Variants in GSDMC observed in about 807,000 individuals in gnomAD.
GSDMC encodes gasdermin-C.
Under a neutral mutation model 58.0 loss-of-function variants are expected in GSDMC, and 59 were observed. The observed-to-expected ratio is 1.02, with a 90% CI of 0.82 to 1.26. The LOEUF (loss-of-function observed/expected upper bound fraction) is 1.26, where lower values mean the gene tolerates loss of function less well. Among genes scored for constraint, GSDMC ranks in the 50% most tolerant of loss-of-function variants. The pLI is 0.00. For missense variants in GSDMC, 659 were observed against 598.5 expected, an observed-to-expected ratio of 1.10 and a Z score of -1.06; for synonymous variants, 241 against 220.2, an observed-to-expected ratio of 1.09 and a Z score of -0.83.
At chr8:129,750,199 A>G in intron 11 of GSDMC, 80 bp from the exon 12 acceptor site, 1 of 1,220,574 alleles carries the variant, frequency 8.2e-7, no homozygotes, top group Non-Finnish European at 1.1e-6. Context: ...TACTGGTGAT[A>G]ACCAAGGGGT....
the GSDMC span, among the ~76,000 whole-genome samples, chr8:129,719,431 A>G: frequency 6.6e-6 from 1 of 152,238 alleles, no homozygotes; most frequent in Non-Finnish European, 1.5e-5. Flanking sequence ...ATGGTGTAAG[A>G]TTTCAATATC....
chr8:129,725,505 C>T, the GSDMC span, among the ~76,000 whole-genome samples: 2 of 152,118 alleles, frequency 1.3e-5, no homozygotes, highest in Non-Finnish European at 1.5e-5. Context: ...CAAATGTGTT[C>T]GATTGCCCAA....
chr8:129,762,149 G>A (rs2033686239), intron 5 of GSDMC, among the ~76,000 whole-genome samples: 1 of 152,178 alleles, frequency 6.6e-6, no homozygotes, highest in Admixed American at 6.5e-5. Context: ...TGATGAAGGA[G>A]GGAAAGATGT....
the GSDMC span, among the ~76,000 whole-genome samples, chr8:129,717,272 T>TTTTG: frequency 3.2e-5 from 4 of 123,820 alleles, 1 homozygote; most frequent in South Asian, 2.5e-4. Flanking sequence ...TTTTTTTTTT[T>TTTTG]ATTGGTAGGC....
At chr8:129,746,008 T>A (rs1162018293), downstream of GSDMC, among the ~76,000 whole-genome samples, 1 of 151,746 alleles carries the variant, frequency 6.6e-6, no homozygotes, top group Admixed American at 6.6e-5. Flanking sequence ...AAAACTCATT[T>A]ACCCTATTGT....
At chr8:129,728,764 C>T in the GSDMC span, 10 of 501,920 alleles carry the variant, frequency 2.0e-5, no homozygotes, top group Middle Eastern at 5.8e-4. Flanking sequence ...TAAAACTTGC[C>T]GAGGGCTCTG....
chr8:129,758,436 C>T (rs555747989), intron 6 of GSDMC, among the ~76,000 whole-genome samples: 6 of 152,130 alleles, frequency 3.9e-5, no homozygotes, highest in South Asian at 2.1e-4. Context: ...CATCCTTTTT[C>T]GCAGATGATA....
At chr8:129,755,343 T>G (rs1214515316) in intron 6 of GSDMC, among the ~76,000 whole-genome samples, 1 of 152,080 alleles carries the variant, frequency 6.6e-6, no homozygotes, top group Admixed American at 6.6e-5. Context: ...AAAAAAAACC[T>G]TTTATCCTAG....
At chr8:129,771,019 A>ATATATATATGTATATGTATATATT (rs1289258296) in intron 3 of GSDMC, among the ~76,000 whole-genome samples, 1 of 149,966 alleles carries the variant, frequency 6.7e-6, no homozygotes, top group African/African-American at 2.4e-5. Context: ...ACATTTTTTT[A>ATATATATATGTATATGTATATATT]TATATATATG....
intron 1 of GSDMC, among the ~76,000 whole-genome samples, chr8:129,779,918 T>G (rs2034357514): frequency 6.6e-6 from 1 of 152,048 alleles, no homozygotes; most frequent in African/African-American, 2.4e-5. Context: ...TCAGATAAAT[T>G]TTTTAAGGAA....
Position 129,762,669 on chromosome 8 carries a change from C to G in GSDMC, c.633G>C (p.Met211Ile), listed in dbSNP as rs761111935. Residue 211 changes from methionine (M) to isoleucine (I), a missense_variant, in exon 5 of 14, where the codon ATG becomes ATC. Physicochemically the swap from Met to Ile is conservative, Grantham distance 10 (BLOSUM62 1). Transcript: ENST00000276708. ...KKKALTLQKG[M>I]VMAYKRKQLV... ...GCTGCTTTCTCTTATAAGCCATCAC[C>G]ATGCCTTTCTGAAGAGTCAGCGCCT... The G allele has an allele frequency of 6.2e-7, 1 of 1,613,934 alleles. No homozygotes were observed. The highest frequency in any genetic ancestry group is 2.2e-5 in the East Asian group (1 of 44,882).
chr8:129,720,240 A>C, the GSDMC span, among the ~76,000 whole-genome samples: 1 of 152,236 alleles, frequency 6.6e-6, no homozygotes, highest in Non-Finnish European at 1.5e-5. Flanking sequence ...GTGAGAAGAA[A>C]TAGAATAGTG....
Position 129,765,613 on chromosome 8 carries a change from A to G in GSDMC, c.570+15T>C. Reference sequence around the variant, plus strand: ...TTTTTTTGAATTTCAATCCCACTTCAGGACAACTTTATACCTTGCCATAGG... The same window carrying G: ...TTTTTTTGAATTTCAATCCCACTTCGGGACAACTTTATACCTTGCCATAGG... On this transcript the variant is annotated intron_variant, in intron 4 of 13. Transcript: ENST00000276708. 1 of 1,605,394 alleles carries G rather than the reference A, an allele frequency of 6.2e-7. No homozygotes were observed. The highest frequency in any genetic ancestry group is 8.5e-7 in the Non-Finnish European group (1 of 1,172,352).
the GSDMC span, among the ~76,000 whole-genome samples, chr8:129,717,256 T>A: frequency 1.4e-5 from 2 of 141,700 alleles, no homozygotes; most frequent in Admixed American, 7.1e-5. Context: ...TGGGCTTTTT[T>A]TTTTTTTTTT....
the GSDMC span, among the ~76,000 whole-genome samples, chr8:129,735,931 A>G: frequency 6.6e-6 from 1 of 152,216 alleles, no homozygotes; most frequent in African/African-American, 2.4e-5. Flanking sequence ...AGTAGAAAAG[A>G]GAGAAGAATC....
intron 3 of GSDMC, among the ~76,000 whole-genome samples, chr8:129,771,846 C>T (rs756065484): frequency 5.3e-5 from 8 of 152,118 alleles, no homozygotes; most frequent in Non-Finnish European, 1.2e-4. Context: ...AAAGTGAAAA[C>T]ACAACATACC....
At chr8:129,710,992 T>C in the GSDMC span, among the ~76,000 whole-genome samples, 1 of 152,186 alleles carries the variant, frequency 6.6e-6, no homozygotes, top group Non-Finnish European at 1.5e-5. Flanking sequence ...GATTCATGCA[T>C]TCCTCCTGGA....
Position 129,750,492 on chromosome 8 carries a change from A to G in GSDMC, c.1022T>C (p.Met341Thr). ...AQLSKDVQDV[M>T]FYSILAMLRD... ...GAGCATGGCCAGGATACTGTAGAACATGACATCCTGAACATCCTTTGAGAG... is the reference window on the plus strand; with the variant it reads ...GAGCATGGCCAGGATACTGTAGAACGTGACATCCTGAACATCCTTTGAGAG... The change falls in exon 11 of 14, where the codon ATG (methionine) becomes ACG (threonine). Residue 341 changes from methionine (M) to threonine (T), a missense_variant. By Grantham distance (81) the Met-to-Thr change is moderately conservative. Transcript: ENST00000276708. 1 of 1,614,018 alleles carries G rather than the reference A, an allele frequency of 6.2e-7. No homozygotes were observed. Among genetic ancestry groups the G allele is most frequent in the Non-Finnish European group, 8.5e-7 (1 of 1,179,860 alleles).
chr8:129,736,437 A>G, the GSDMC span, among the ~76,000 whole-genome samples: 1 of 152,232 alleles, frequency 6.6e-6, no homozygotes, highest in African/African-American at 2.4e-5. Flanking sequence ...AAAGCTATCC[A>G]CCACGATCAA....
Sources: gnomAD v4.1 joint callset for allele counts (sites outside exome capture counted in the v4.1 genomes callset) on GRCh38, gnomAD v4.1.1 for gene constraint, MANE v1.5 for transcripts, NCBI Gene and HGNC (gene_info 2026-07-23, HGNC 2026-07-21) for gene names.